COL26A1: variants seen among roughly 807,000 people sequenced by gnomAD.
COL26A1 encodes the protein collagen type XXVI alpha 1 chain.
Under a neutral mutation model 59.3 loss-of-function variants are expected in COL26A1, and 41 were observed. The ratio of observed to expected loss-of-function variants is 0.69; its 90% confidence interval spans 0.54 to 0.90. COL26A1 has a LOEUF of 0.90. Ranked by LOEUF, COL26A1 falls within the 40% of genes least tolerant of loss-of-function variation. COL26A1 has a pLI of 0.00. For missense variants in COL26A1, 612 were observed against 602.3 expected (o/e 1.02, Z -0.17); for synonymous variants, 266 against 256.0 (o/e 1.04, Z -0.37).
At chr7:101,394,623 A>G (rs1289028456) in intron 1 of COL26A1, among the ~76,000 whole-genome samples, 6 of 113,856 alleles carry the variant, frequency 5.3e-5, no homozygotes, top group East Asian at 2.5e-4. Context: ...GGGTCTCGCT[A>G]TGTTGCTCAG....
chr7:101,546,770 G>A (rs909444480), intron 7 of COL26A1, among the ~76,000 whole-genome samples: 4 of 152,174 alleles, frequency 2.6e-5, no homozygotes, highest in Non-Finnish European at 4.4e-5. Context: ...CAGCTCAGAG[G>A]GGTGGGCATG....
intron 3 of COL26A1, among the ~76,000 whole-genome samples, chr7:101,500,353 C>T (rs940610073): frequency 3.3e-5 from 5 of 152,190 alleles, no homozygotes; most frequent in Non-Finnish European, 5.9e-5. Context: ...ACCCCCATCT[C>T]GATCCCAAAC....
intron 3 of COL26A1, among the ~76,000 whole-genome samples, chr7:101,520,003 G>A (rs76135769): frequency 0.025 from 3,771 of 152,172 alleles, 49 homozygotes; most frequent in Middle Eastern, 0.078. Flanking sequence ...CCTCTCAGTG[G>A]CCCTCAGTTT....
chr7:101,521,358 T>A (rs1285809048), intron 3 of COL26A1, among the ~76,000 whole-genome samples: 1 of 152,140 alleles, frequency 6.6e-6, no homozygotes, highest in East Asian at 1.9e-4. Flanking sequence ...CAAAATAGAC[T>A]GAGACAGGTG....
intron 3 of COL26A1, among the ~76,000 whole-genome samples, chr7:101,531,524 C>A (rs981721813): frequency 6.6e-6 from 1 of 152,138 alleles, no homozygotes; most frequent in Non-Finnish European, 1.5e-5. Flanking sequence ...GAGTTCTATT[C>A]CTTAACAAAT....
intron 1 of COL26A1, among the ~76,000 whole-genome samples, chr7:101,391,816 A>G (rs1429241259): frequency 1.3e-5 from 2 of 152,002 alleles, no homozygotes; most frequent in African/African-American, 4.8e-5. Context: ...CGGTCTTCCA[A>G]AGTGCTGGGG....
intron 3 of COL26A1, among the ~76,000 whole-genome samples, chr7:101,472,543 C>T (rs1025369174): frequency 5.9e-5 from 9 of 152,106 alleles, no homozygotes; most frequent in Non-Finnish European, 1.2e-4. Context: ...GGATCCATTC[C>T]GCCATGGAGG....
At chr7:101,415,216 G>A (rs775585161) in intron 1 of COL26A1, among the ~76,000 whole-genome samples, 4 of 150,928 alleles carry the variant, frequency 2.7e-5, no homozygotes, top group Non-Finnish European at 5.9e-5. Flanking sequence ...GCCGTGGTGC[G>A]ATCTTGGCTC....
At chr7:101,518,380 G>T (rs947008078) in intron 3 of COL26A1, among the ~76,000 whole-genome samples, 1 of 152,178 alleles carries the variant, frequency 6.6e-6, no homozygotes, top group Non-Finnish European at 1.5e-5. Context: ...AGGCTCCAAG[G>T]CTGCCAGCTT....
intron 3 of COL26A1, among the ~76,000 whole-genome samples, chr7:101,508,271 G>C (rs6966949): frequency 0.28 from 42,529 of 151,726 alleles, 8,743 homozygotes; most frequent in African/African-American, 0.59. Flanking sequence ...CCTATAATCC[G>C]AACAGTTTTG....
intron 3 of COL26A1, among the ~76,000 whole-genome samples, chr7:101,449,234 A>G (rs1793272604): frequency 6.6e-6 from 1 of 152,148 alleles, no homozygotes; most frequent in African/African-American, 2.4e-5. Flanking sequence ...GCATAATGCT[A>G]TGGTGTTGAA....
At chr7:101,379,343 GGA>G (rs1156650309) in intron 1 of COL26A1, among the ~76,000 whole-genome samples, 1 of 152,152 alleles carries the variant, frequency 6.6e-6, no homozygotes, top group African/African-American at 2.4e-5. Context: ...GGGCAGGAGT[GGA>G]GCAGGCAGGT....
chr7:101,486,517 G>A (rs971220985), intron 3 of COL26A1, among the ~76,000 whole-genome samples: 1 of 152,214 alleles, frequency 6.6e-6, no homozygotes, highest in African/African-American at 2.4e-5. Flanking sequence ...GCCCTCACCC[G>A]CCCGCCCTGG....
intron 2 of COL26A1, among the ~76,000 whole-genome samples, chr7:101,439,026 A>G (rs557988521): frequency 6.6e-6 from 1 of 152,290 alleles, no homozygotes; most frequent in African/African-American, 2.4e-5. Flanking sequence ...GGGCATGTAG[A>G]ACATTTTCCA....
intron 7 of COL26A1, 75 bp from the exon 8 acceptor site, chr7:101,547,081 C>T (rs1188812277): frequency 1.9e-6 from 2 of 1,070,002 alleles, no homozygotes; most frequent in African/African-American, 3.2e-5. Context: ...GCTCAGGGCT[C>T]AGTGCCCCGG....
At chr7:101,419,292 T>G (rs1461075842) in intron 1 of COL26A1, among the ~76,000 whole-genome samples, 1 of 151,872 alleles carries the variant, frequency 6.6e-6, no homozygotes, top group Non-Finnish European at 1.5e-5. Context: ...ATTTTTATTT[T>G]GTAGAGGCAG....
chr7:101,508,394 C>T (rs1164751322), intron 3 of COL26A1, among the ~76,000 whole-genome samples: 2 of 151,962 alleles, frequency 1.3e-5, no homozygotes, highest in Non-Finnish European at 2.9e-5. Context: ...TGGTGCACAC[C>T]TGTAGTCCCA....
intron 1 of COL26A1, among the ~76,000 whole-genome samples, chr7:101,419,168 G>A (rs375304196): frequency 2.1e-5 from 3 of 143,930 alleles, no homozygotes; most frequent in Admixed American, 7.1e-5. Flanking sequence ...CCAGGCTGTA[G>A]TGAAGTAGCA....
At chr7:101,401,776 AG>A (rs1792013806) in intron 1 of COL26A1, among the ~76,000 whole-genome samples, 1 of 151,674 alleles carries the variant, frequency 6.6e-6, no homozygotes, top group East Asian at 1.9e-4. Flanking sequence ...GGAGAAGAGG[AG>A]GAGGAGGAGG....
Sources: allele counts gnomAD v4.1 joint callset (sites outside exome capture counted in the v4.1 genomes callset), GRCh38; gene constraint gnomAD v4.1.1; transcripts MANE v1.5; gene names NCBI Gene and HGNC (gene_info 2026-07-23, HGNC 2026-07-21).